Variants in TUBAL3 observed in about 807,000 individuals in gnomAD.
The protein encoded by TUBAL3 is tubulin alpha like 3.
In TUBAL3, 16 loss-of-function variants were observed where a neutral mutation model predicts 15.5. That is an observed-to-expected ratio of 1.04 (90% CI 0.70 to 1.57). TUBAL3 has a LOEUF of 1.57. Among genes scored for constraint, TUBAL3 ranks in the 40% most tolerant of loss-of-function variants. TUBAL3 has a pLI of 0.00. For synonymous variants in TUBAL3, 238 were observed against 224.3 expected (o/e 1.06, Z -0.55); for missense variants, 609 against 576.2 (o/e 1.06, Z -0.58).
Position 5,396,614 on chromosome 10 carries a change from C to A in TUBAL3, c.248-1139G>T, listed in dbSNP as rs1380457516. 6.6e-6 allele frequency among the ~76,000 whole-genome samples: 1 copy of A among 152,140 alleles called. No homozygotes were observed. The highest frequency in any genetic ancestry group is 1.5e-5 in the Non-Finnish European group (1 of 68,008). On this transcript the variant is annotated intron_variant, in intron 2 of 3. Coordinates refer to ENST00000380419, the MANE Select transcript of TUBAL3 (RefSeq NM_024803.3). This position sits in a 1 kb window ranked among gnomAD's most constrained non-coding sequence, Gnocchi z 5.1. ...GGGAAGGCACGGCAAACTCAAATGCCCACACGACCCAAATGCTGAGTGCAT... is the reference window on the plus strand; with the variant it reads ...GGGAAGGCACGGCAAACTCAAATGCACACACGACCCAAATGCTGAGTGCAT...
At position 5,400,936 on chromosome 10, in the gene TUBAL3, G is replaced by C; in HGVS notation, c.155C>G (p.Thr52Arg). 1 of 1,614,202 alleles carries C rather than the reference G, an allele frequency of 6.2e-7. No individual in the cohort carries two copies. The highest frequency in any genetic ancestry group is 1.7e-5 in the Admixed American group (1 of 60,024). ...DQLENAKMEHTNASFDTFFCE... is the reference protein window; with the variant it reads ...DQLENAKMEHRNASFDTFFCE... ...GAAGAAGGTATCGAAAGATGCATTT[G>C]TGTGCTCCATTTTTGCATTTTCCAG... The change falls in exon 2 of 4, where the codon ACA (threonine) becomes AGA (arginine). Residue 52 changes from threonine (T) to arginine (R), a missense_variant. Thr to Arg is a moderately conservative substitution (Grantham distance 71). Transcript: ENST00000380419.
chr10:5,400,850 C>G lies in TUBAL3; in HGVS notation c.241G>C (p.Val81Leu), dbSNP rs781981109. The change falls in exon 2 of 4, where the codon GTT becomes CTT. Residue 81 changes from valine (V) to leucine (L), a missense_variant. Coordinates refer to ENST00000380419, the MANE Select transcript of TUBAL3 (RefSeq NM_024803.3). ...RALFVDLEPT[V>L]IDGIRTGQHR... Reference sequence around the variant, plus strand: ...AATGGAACATTTATTGTACCTATAACAGTTGGCTCCAAGTCCACGAAGAGT... The same window carrying G: ...AATGGAACATTTATTGTACCTATAAGAGTTGGCTCCAAGTCCACGAAGAGT... 11 of 1,614,210 alleles carry G rather than the reference C, an allele frequency of 6.8e-6. No individual in the cohort carries two copies. The Admixed American group carries it at 1.8e-4, about 27-fold the overall frequency.
Position 5,395,462 on chromosome 10 carries a change from C to CT in TUBAL3, c.260_261insA (p.Gln89ProfsTer13), listed in dbSNP as rs1564450584. 3 of 1,543,440 alleles carry CT rather than the reference C, an allele frequency of 1.9e-6. No homozygotes were observed. Among genetic ancestry groups the CT allele is most frequent in the South Asian group, 2.4e-5 (2 of 82,886 alleles). On this transcript the variant is annotated frameshift_variant, in exon 3 of 4. Transcript: ENST00000380419. LOFTEE classifies it high-confidence loss of function. This position sits in a 1 kb window ranked among gnomAD's most constrained non-coding sequence, Gnocchi z 4.6. ...GGTGGAAGAGTGAACGGTGCTGGCCCGTCCGGATCCCATCTGCAGAGGGTG... is the reference window on the plus strand; with the variant it reads ...GGTGGAAGAGTGAACGGTGCTGGCCCTGTCCGGATCCCATCTGCAGAGGGTG...
rs782641362 is a variant in TUBAL3 at position 5,393,467 on chromosome 10, G to A, written c.*50C>T. The A allele has an allele frequency of 1.9e-4, 280 of 1,495,250 alleles. No individual in the cohort carries two copies. In the Admixed American group the frequency reaches 1.9e-3, roughly 10 times the overall value. 92.6% of individuals were successfully genotyped at this position (1,495,250 alleles called of 1,614,324 possible). A position where few individuals can be genotyped will look rare whatever the true frequency, so the allele number is the denominator to read the frequency against. The stretch of plus-strand genomic sequence containing the variant: ...CACTAGGCATATAACGGCTTGAAAA[G>A]AAAACATGCCATTTTAACTTGACAT... On this transcript the variant is annotated 3_prime_UTR_variant, in exon 4 of 4. Transcript: ENST00000380419.
At chr10:5,399,094 C>T (rs1831809238) in intron 2 of TUBAL3, among the ~76,000 whole-genome samples, 1 of 152,114 alleles carries the variant, frequency 6.6e-6, no homozygotes, top group South Asian at 2.1e-4. Context: ...ACTCTAATAA[C>T]TCAGTGATCT....
Position 5,394,154 on chromosome 10 carries a change from T to A in TUBAL3, c.704A>T (p.Asn235Ile). ...GVECPSHASI[N>I]RLVVQVVSSI... ...AGATACCACCTGAACCACCAATCTA[T>A]TGATGCTGGCATGAGAGGGGCATTC... The change falls in exon 4 of 4, where the codon AAT (asparagine) becomes ATT (isoleucine). Residue 235 changes from asparagine to isoleucine, a missense_variant. Transcript: ENST00000380419. This position sits in a 1 kb window ranked among gnomAD's most constrained non-coding sequence, Gnocchi z 4.3. 1 of 1,614,200 alleles carries A rather than the reference T, an allele frequency of 6.2e-7. No individual in the cohort carries two copies. Among genetic ancestry groups the A allele is most frequent in the Non-Finnish European group, 8.5e-7 (1 of 1,180,038 alleles).
At position 5,397,076 on chromosome 10, in the gene TUBAL3, C is replaced by T. The variant is rs1476103801; in HGVS notation, c.248-1601G>A. Among the ~76,000 whole-genome samples, 1 of 152,196 alleles carries T rather than the reference C, an allele frequency of 6.6e-6. No homozygotes were observed. ...TTATAAGTAACAATGATAGAACTGG[C>T]TTCATGACATGCATTTATGCAGATT... On this transcript the variant is annotated intron_variant, in intron 2 of 3. Coordinates refer to ENST00000380419, the MANE Select transcript of TUBAL3 (RefSeq NM_024803.3). This position sits in a 1 kb window ranked among gnomAD's most constrained non-coding sequence, Gnocchi z 4.9.
chr10:5,396,541 A>G lies in TUBAL3; in HGVS notation c.248-1066T>C, dbSNP rs1279935805. Among the ~76,000 whole-genome samples the G allele has an allele frequency of 6.6e-6, 1 of 152,212 alleles. No homozygotes were observed. Among genetic ancestry groups the G allele is most frequent in the Non-Finnish European group, 1.5e-5 (1 of 68,036 alleles). Reference sequence around the variant, plus strand: ...AATAAAATAAAATGAATTTTAAAAAATAAAGGAATATCCATCTTTTAAATC... The same window carrying G: ...AATAAAATAAAATGAATTTTAAAAAGTAAAGGAATATCCATCTTTTAAATC... On this transcript the variant is annotated intron_variant, in intron 2 of 3. Coordinates refer to ENST00000380419, the MANE Select transcript of TUBAL3 (RefSeq NM_024803.3). This position sits in a 1 kb window ranked among gnomAD's most constrained non-coding sequence, Gnocchi z 5.1.
chr10:5,400,464 T>G (rs1479594518), intron 2 of TUBAL3, among the ~76,000 whole-genome samples: 1 of 152,062 alleles, frequency 6.6e-6, no homozygotes, highest in African/African-American at 2.4e-5. Context: ...AAACTCCATC[T>G]CTACTAAAAA....
Position 5,403,725 on chromosome 10 carries a change from T to C in TUBAL3, c.3+1065A>G, listed in dbSNP as rs12252086. 9.5e-3 allele frequency among the ~76,000 whole-genome samples: 1,149 copies of C among 120,724 alleles called. 15 individuals carry two copies. Among genetic ancestry groups the C allele is most frequent in the African/African-American group, 0.037 (1,112 of 30,024 alleles). The allele number at this position is 120,724 out of a possible 152,430, so 79.2% of individuals were successfully genotyped here. On this transcript the variant is annotated intron_variant, in intron 1 of 3. Transcript: ENST00000380419. ...GTGTAGAAGACTATCTTTGCCTTAT[T>C]CTTCTCTTAGCCTCTCCCTTTTTTT...
intron 1 of TUBAL3, among the ~76,000 whole-genome samples, chr10:5,403,915 T>G (rs923441214): frequency 6.6e-6 from 1 of 152,224 alleles, no homozygotes. Context: ...AATTTTGAGG[T>G]CTTTGTAGAT....
chr10:5,393,660 G>C lies in TUBAL3; in HGVS notation c.1198C>G (p.His400Asp). ...AIVEAWARLD[H>D]KFDLMYAKRA... ...TTGGCGTACATGAGGTCAAACTTGT[G>C]GTCCAGGCGGGCCCAGGCCTCCACA... is the stretch of plus-strand genomic sequence containing the variant. The change falls in exon 4 of 4, where the codon CAC becomes GAC. Residue 400 changes from histidine to aspartate, a missense_variant. Transcript: ENST00000380419. 2 of 1,614,172 alleles carry C rather than the reference G, an allele frequency of 1.2e-6. No individual in the cohort carries two copies. The highest frequency in any genetic ancestry group is 1.7e-6 in the Non-Finnish European group (2 of 1,180,036).
rs1831753468 is a variant in TUBAL3, at chr10:5,395,669, T to C, written c.248-194A>G. ...AGAAGTGGAATTTTTTACATATACA[T>C]GGAAAGTATGTTTTTCTACCATGCA... On this transcript the variant is annotated intron_variant, in intron 2 of 3. Coordinates refer to ENST00000380419, the MANE Select transcript of TUBAL3 (RefSeq NM_024803.3). The surrounding 1 kb of genome is among the most constrained non-coding windows in gnomAD (Gnocchi z 4.6). 6.6e-6 allele frequency among the ~76,000 whole-genome samples: 1 copy of C among 152,174 alleles called. No homozygotes were observed. Among genetic ancestry groups the C allele is most frequent in the African/African-American group, 2.4e-5 (1 of 41,436 alleles).
In TUBAL3 at chr10:5,398,190, G is replaced by A. The variant is rs1026465557; in HGVS notation, c.247+2654C>T. On this transcript the variant is annotated intron_variant, in intron 2 of 3. Transcript: ENST00000380419. The stretch of plus-strand genomic sequence containing the variant: ...AATCCCAGTAGTTTGGGAGGCCGAG[G>A]CAGGTGGATTACTGGAGGTCAGGAG... Among the ~76,000 whole-genome samples the A allele has an allele frequency of 5.9e-5, 9 of 152,090 alleles. No individual in the cohort carries two copies. In the South Asian group the frequency reaches 1.4e-3, roughly 24 times the overall value.
chr10:5,400,329 C>T (rs1831830132), intron 2 of TUBAL3, among the ~76,000 whole-genome samples: 1 of 152,182 alleles, frequency 6.6e-6, no homozygotes, highest in South Asian at 2.1e-4. Context: ...TTTCATCACA[C>T]AGGTAAAGAA....
Position 5,395,262 on chromosome 10 carries a change from G to C in TUBAL3, c.396+65C>G. 2 of 1,395,652 alleles carry C rather than the reference G, an allele frequency of 1.4e-6. No homozygotes were observed. The highest frequency in any genetic ancestry group is 1.9e-6 in the Non-Finnish European group (2 of 1,059,896). 86.5% of individuals were successfully genotyped at this position (1,395,652 alleles called of 1,614,324 possible). Reference sequence around the variant, plus strand: ...TGGTGACAGCAGATAATGCTTGTGAGTTCTGCCGCAGGACCCCACATGCCC... The same window carrying C: ...TGGTGACAGCAGATAATGCTTGTGACTTCTGCCGCAGGACCCCACATGCCC... On this transcript the variant is annotated intron_variant, in intron 3 of 3. Coordinates refer to ENST00000380419, the MANE Select transcript of TUBAL3 (RefSeq NM_024803.3). This position sits in a 1 kb window ranked among gnomAD's most constrained non-coding sequence, Gnocchi z 4.6.
intron 1 of TUBAL3, among the ~76,000 whole-genome samples, chr10:5,401,689 T>C (rs570652242): frequency 6.6e-6 from 1 of 152,028 alleles, no homozygotes; most frequent in African/African-American, 2.4e-5. Flanking sequence ...AGTTCCAAAA[T>C]GTAAAAGTTT....
rs1357138404 is a variant in TUBAL3 at position 5,401,248 on chromosome 10, C to T, written c.4-161G>A. 3.3e-5 allele frequency among the ~76,000 whole-genome samples: 5 copies of T among 152,206 alleles called. No individual in the cohort carries two copies. In the South Asian group the frequency reaches 6.2e-4, roughly 19 times the overall value. ...AAAAGCGTTTCATGGAAACCAAGAC[C>T]CAGGGTACAGCTAAGCTTCAGGGAA... On this transcript the variant is annotated intron_variant, in intron 1 of 3. Transcript: ENST00000380419.
At position 5,393,776 on chromosome 10, in the gene TUBAL3, C is replaced by T. The variant is rs1652489040; in HGVS notation, c.1082G>A (p.Gly361Asp). ...CACCGTGGGCGGCCGATTGTTGATG[C>T]CCACCTTGAAACCAGTTGGACACCA... is the stretch of plus-strand genomic sequence containing the variant. ...VDWCPTGFKVGINNRPPTVMP... is the reference protein window; with the variant it reads ...VDWCPTGFKVDINNRPPTVMP... Residue 361 changes from glycine (G) to aspartate (D), a missense_variant, in exon 4 of 4, where the codon GGC (glycine) becomes GAC (aspartate). Gly to Asp is a moderately conservative substitution (Grantham distance 94, BLOSUM62 -1). Coordinates refer to ENST00000380419, the MANE Select transcript of TUBAL3 (RefSeq NM_024803.3). The T allele has an allele frequency of 2.5e-6, 4 of 1,614,092 alleles. No homozygotes were observed. Among genetic ancestry groups the T allele is most frequent in the African/African-American group, 1.3e-5 (1 of 74,928 alleles).
Sources: allele counts gnomAD v4.1 joint callset (sites outside exome capture counted in the v4.1 genomes callset), GRCh38; gene constraint gnomAD v4.1.1; non-coding constraint Gnocchi (gnomAD v3.1); transcripts MANE v1.5; gene names NCBI Gene and HGNC (gene_info 2026-07-23, HGNC 2026-07-21).